HHAT: variants seen among roughly 807,000 people sequenced by gnomAD.
The protein encoded by HHAT is hedgehog acyltransferase.
HHAT carries 47 observed loss-of-function variants against 70.8 expected under a neutral mutation model. That is an observed-to-expected ratio of 0.66 (90% confidence interval 0.53 to 0.85). The LOEUF (loss-of-function observed/expected upper bound fraction) is 0.85, where lower values mean the gene tolerates loss of function less well. HHAT is among the 40% of genes least tolerant of loss of function. HHAT has a pLI of 0.00. For missense variants in HHAT, 609 were observed against 604.8 expected, an observed-to-expected ratio of 1.01 and a Z score of -0.07; for synonymous variants, 228 against 247.6, an observed-to-expected ratio of 0.92 and a Z score of 0.74.
At chr1:210,565,847 A>T (rs981794898) in intron 9 of HHAT, among the ~76,000 whole-genome samples, 3 of 152,170 alleles carry the variant, frequency 2.0e-5, no homozygotes, top group African/African-American at 7.2e-5. Flanking sequence ...ACAAGCTGAG[A>T]TCTCCTGGCC....
intron 10 of HHAT, among the ~76,000 whole-genome samples, chr1:210,604,245 A>AT (rs11446633): frequency 0.79 from 111,382 of 141,598 alleles, 45,289 homozygotes; most frequent in South Asian, 0.92. Flanking sequence ...AAGCCCAGCT[A>AT]TTTTTTTTTT....
At chr1:210,363,298 T>A (rs1190585953) in intron 3 of HHAT, among the ~76,000 whole-genome samples, 2 of 152,218 alleles carry the variant, frequency 1.3e-5, no homozygotes, top group Non-Finnish European at 2.9e-5. Flanking sequence ...TGAGTGTCCC[T>A]GGCTGTCCAT....
At chr1:210,335,253 A>G (rs1359933121) in intron 1 of HHAT, among the ~76,000 whole-genome samples, 1 of 151,492 alleles carries the variant, frequency 6.6e-6, no homozygotes, top group Non-Finnish European at 1.5e-5. Flanking sequence ...AACAAATGCA[A>G]TTTAACTCCA....
At chr1:210,476,260 C>T (rs540447043) in intron 8 of HHAT, among the ~76,000 whole-genome samples, 10 of 152,314 alleles carry the variant, frequency 6.6e-5, no homozygotes, top group South Asian at 6.2e-4. Context: ...CCTGTCTGTA[C>T]AGACATTCAA....
At chr1:210,374,726 C>G (rs1375049166) in intron 3 of HHAT, among the ~76,000 whole-genome samples, 1 of 151,270 alleles carries the variant, frequency 6.6e-6, no homozygotes, top group Admixed American at 6.6e-5. Context: ...TACAGAGAGG[C>G]CTTGTGTACC....
chr1:210,652,025 A>G (rs1035495240), intron 11 of HHAT, among the ~76,000 whole-genome samples: 1 of 152,218 alleles, frequency 6.6e-6, no homozygotes, highest in African/African-American at 2.4e-5. Context: ...CTAGCTGTCA[A>G]GAGCTGGAGG....
intron 10 of HHAT, among the ~76,000 whole-genome samples, chr1:210,610,986 G>T (rs1666457615): frequency 6.6e-6 from 1 of 152,070 alleles, no homozygotes. Context: ...GACTTGCCTT[G>T]GCTATTTGGG....
chr1:210,403,171 A>G (rs2092160968), intron 5 of HHAT, among the ~76,000 whole-genome samples: 1 of 152,188 alleles, frequency 6.6e-6, no homozygotes. Flanking sequence ...CTAGCATTTT[A>G]AGCACGTATG....
chr1:210,648,141 G>A (rs1170442507), intron 11 of HHAT, among the ~76,000 whole-genome samples: 1 of 152,146 alleles, frequency 6.6e-6, no homozygotes, highest in African/African-American at 2.4e-5. Context: ...TAAAACCAAA[G>A]CCACTTGCCT....
rs2066721 is a variant in HHAT, at chr1:210,404,529, G to C, written c.534G>C (p.Leu178=). The part of the protein sequence containing the change: ...LLQFTLTVRC[L]YYTSFSLELC... Reference sequence around the variant, plus strand: ...AGTTCACGCTGACCGTTCGCTGCCTGTACTACACCAGCTTCAGCCTGGAGC... The same window carrying C: ...AGTTCACGCTGACCGTTCGCTGCCTCTACTACACCAGCTTCAGCCTGGAGC... The change falls in exon 6 of 12, where the codon CTG becomes CTC. Residue 178 remains leucine, a synonymous_variant. Coordinates refer to ENST00000261458, the MANE Select transcript of HHAT (RefSeq NM_018194.6). 1,236,053 of 1,612,756 alleles carry C rather than the reference G, an allele frequency of 0.77. 475,242 individuals carry two copies. Among genetic ancestry groups the C allele is most frequent in the Admixed American group, 0.85 (50,755 of 60,016 alleles).
At chr1:210,391,658 TAATC>T (rs1295997481) in intron 4 of HHAT, among the ~76,000 whole-genome samples, 3 of 152,242 alleles carry the variant, frequency 2.0e-5, no homozygotes, top group Non-Finnish European at 4.4e-5. Flanking sequence ...AATTCATTAG[TAATC>T]AAACAAATGC....
chr1:210,470,975 A>G (rs1183107584), intron 8 of HHAT, among the ~76,000 whole-genome samples: 7 of 152,338 alleles, frequency 4.6e-5, no homozygotes, highest in East Asian at 1.9e-4. Context: ...ACCCATCAGC[A>G]TATAAGCCCT....
At chr1:210,430,340 G>A (rs911851373) in intron 7 of HHAT, among the ~76,000 whole-genome samples, 1 of 151,762 alleles carries the variant, frequency 6.6e-6, no homozygotes, top group Non-Finnish European at 1.5e-5. Context: ...TTATATTTAG[G>A]AGCCAAGATC....
At chr1:210,501,381 C>T (rs539242357) in intron 8 of HHAT, among the ~76,000 whole-genome samples, 2 of 152,310 alleles carry the variant, frequency 1.3e-5, no homozygotes, top group South Asian at 4.1e-4. Flanking sequence ...CCTGCTTCAT[C>T]GGTTGCATTG....
At chr1:210,441,270 T>C (rs774094203) in intron 7 of HHAT, among the ~76,000 whole-genome samples, 1 of 152,238 alleles carries the variant, frequency 6.6e-6, no homozygotes, top group Non-Finnish European at 1.5e-5. Flanking sequence ...CAGCAGCTTG[T>C]TGAATGGCTT....
chr1:210,509,746 C>G (rs887397882), intron 8 of HHAT, among the ~76,000 whole-genome samples: 43 of 152,198 alleles, frequency 2.8e-4, no homozygotes, highest in African/African-American at 9.9e-4. Flanking sequence ...TAACCCTTTA[C>G]TCTCCACTAA....
chr1:210,643,348 A>G (rs1031480315), intron 11 of HHAT, among the ~76,000 whole-genome samples: 37 of 152,392 alleles, frequency 2.4e-4, no homozygotes, highest in African/African-American at 8.9e-4. Context: ...GAATGTGTAT[A>G]TAAATTTGTT....
At chr1:210,389,279 G>A (rs190496578) in intron 4 of HHAT, among the ~76,000 whole-genome samples, 1 of 152,330 alleles carries the variant, frequency 6.6e-6, no homozygotes, top group East Asian at 1.9e-4. Flanking sequence ...CACCACATCT[G>A]GTGAGGGCCT....
In HHAT at chr1:210,349,073, C is replaced by T. The variant is rs1477607130; in HGVS notation, c.91+7C>T. On this transcript the variant is annotated splice_region_variant and intron_variant, in intron 2 of 11. Coordinates refer to ENST00000261458, the MANE Select transcript of HHAT (RefSeq NM_018194.6). ...GTTTACAAAGTCTCCAGAGGTAAGG[C>T]CCCAAGCTTTTCAGACCTCCTATCA... 6.2e-7 allele frequency: 1 copy of T among 1,612,268 alleles called. No individual in the cohort carries two copies. The highest frequency in any genetic ancestry group is 8.5e-7 in the Non-Finnish European group (1 of 1,179,510).
Sources: gnomAD v4.1 joint callset for allele counts (sites outside exome capture counted in the v4.1 genomes callset) on GRCh38, gnomAD v4.1.1 for gene constraint, MANE v1.5 for transcripts, NCBI Gene and HGNC (gene_info 2026-07-23, HGNC 2026-07-21) for gene names.